The following IL17RD variants were observed in gnomAD, a reference collection of about 807,000 sequenced individuals.
The protein encoded by IL17RD is interleukin 17 receptor D.
Under a neutral mutation model 80.5 loss-of-function variants are expected in IL17RD, and 52 were observed. The observed-to-expected ratio is 0.65, with a 90% CI of 0.52 to 0.81. IL17RD has a LOEUF of 0.81. Among genes scored for constraint, IL17RD ranks in the 40% least tolerant of loss-of-function variants. IL17RD has a pLI of 0.00. For synonymous variants in IL17RD, 416 were observed against 391.8 expected, an observed-to-expected ratio of 1.06 and a Z score of -0.73; for missense variants, 1,024 against 955.1, an observed-to-expected ratio of 1.07 and a Z score of -0.95.
intron 1 of IL17RD, among the ~76,000 whole-genome samples, chr3:57,120,832 A>G (rs2107499306): frequency 6.6e-6 from 1 of 152,322 alleles, no homozygotes; most frequent in East Asian, 1.9e-4. Context: ...AAAATTATTC[A>G]CTGCATCCAT....
upstream of IL17RD, among the ~76,000 whole-genome samples, chr3:57,167,826 T>A (rs930031752): frequency 2.0e-5 from 3 of 152,164 alleles, no homozygotes; most frequent in South Asian, 6.2e-4. Flanking sequence ...TGGCCATTTG[T>A]ATTCTTTCTC....
Position 57,098,201 on chromosome 3 carries a change from A to G in IL17RD, c.1502T>C (p.Met501Thr). Reference sequence around the variant, plus strand: ...GGAACAGAGCTGAGGAAGATTGTCCATGAGTCTGTACTTGGTACTCAGGTC... The same window carrying G: ...GGAACAGAGCTGAGGAAGATTGTCCGTGAGTCTGTACTTGGTACTCAGGTC... ...ILDLSTKYRL[M>T]DNLPQLCSHL... The change falls in exon 12 of 13, where the codon ATG becomes ACG. Residue 501 changes from methionine (M) to threonine (T), a missense_variant. Transcript: ENST00000296318. 2 of 1,613,918 alleles carry G rather than the reference A, an allele frequency of 1.2e-6. No individual in the cohort carries two copies. The highest frequency in any genetic ancestry group is 1.7e-6 in the Non-Finnish European group (2 of 1,179,842).
At chr3:57,125,579 C>A (rs1285860988) in intron 1 of IL17RD, among the ~76,000 whole-genome samples, 1 of 152,082 alleles carries the variant, frequency 6.6e-6, no homozygotes, top group East Asian at 1.9e-4. Flanking sequence ...TACTGCAGGA[C>A]AAGTTACAAA....
chr3:57,091,013 G>A lies in IL17RD; in HGVS notation c.*5380C>T, dbSNP rs186833316. 6.6e-6 allele frequency: 1 copy of A among 152,664 alleles called. No individual in the cohort carries two copies. Among genetic ancestry groups the A allele is most frequent in the Admixed American group, 6.5e-5 (1 of 15,292 alleles). 9.5% of individuals were successfully genotyped at this position (152,664 alleles called of 1,614,324 possible). On this transcript the variant is annotated 3_prime_UTR_variant, in exon 13 of 13. Transcript: ENST00000296318. Reference sequence around the variant, plus strand: ...AAAAGGGCAAGAGGGAAGACAACTGGCCAAAATTCCCCAGACATCTTCACT... The same window carrying A: ...AAAAGGGCAAGAGGGAAGACAACTGACCAAAATTCCCCAGACATCTTCACT...
intron 1 of IL17RD, among the ~76,000 whole-genome samples, chr3:57,120,938 A>G (rs565581326): frequency 6.6e-6 from 1 of 152,260 alleles, no homozygotes; most frequent in African/African-American, 2.4e-5. Flanking sequence ...GCCGTCAGCC[A>G]TCTGCACTCA....
chr3:57,106,823 G>A (rs1706975349), intron 5 of IL17RD, among the ~76,000 whole-genome samples: 1 of 152,110 alleles, frequency 6.6e-6, no homozygotes, highest in Admixed American at 6.6e-5. Flanking sequence ...CAAGAAAACT[G>A]AAGGCAGCAT....
In IL17RD at chr3:57,103,155, A is replaced by G. The variant is rs1208047414; in HGVS notation, c.814-10T>C. On this transcript the variant is annotated splice_polypyrimidine_tract_variant and intron_variant, in intron 8 of 12. Coordinates refer to ENST00000296318, the MANE Select transcript of IL17RD (RefSeq NM_017563.5). ...TAGTGTCATCCACCAGCTGCAAAAC[A>G]GAGGATGCTGCATTATTTTTTTTTA... 6.3e-7 allele frequency: 1 copy of G among 1,597,826 alleles called. No individual in the cohort carries two copies. Among genetic ancestry groups the G allele is most frequent in the South Asian group, 1.1e-5 (1 of 88,064 alleles).
chr3:57,166,749 T>G (rs2060350286), upstream of IL17RD, among the ~76,000 whole-genome samples: 1 of 152,170 alleles, frequency 6.6e-6, no homozygotes, highest in Admixed American at 6.5e-5. Flanking sequence ...CCCAGCCTTA[T>G]CTTGGTCTTT....
chr3:57,098,837 C>T (rs1199283215), intron 11 of IL17RD, among the ~76,000 whole-genome samples: 2 of 152,240 alleles, frequency 1.3e-5, no homozygotes, highest in African/African-American at 2.4e-5. Flanking sequence ...CTTTTGGCAC[C>T]TTGCCCAAGT....
At position 57,112,057 on chromosome 3, in the gene IL17RD, G is replaced by A. The variant is rs1258712091; in HGVS notation, c.311-1746C>T. The stretch of plus-strand genomic sequence containing the variant: ...TTTTTAAAAGATTAGCCTAAAAACC[G>A]CTACACCAAGGTTCTGAGGCCGAGG... On this transcript the variant is annotated intron_variant, in intron 3 of 12. Transcript: ENST00000296318. Among the ~76,000 whole-genome samples the A allele has an allele frequency of 5.9e-5, 9 of 152,072 alleles. No individual in the cohort carries two copies. In the South Asian group the frequency reaches 6.2e-4, roughly 11 times the overall value.
intron 5 of IL17RD, among the ~76,000 whole-genome samples, chr3:57,108,424 G>A (rs895396143): frequency 3.1e-4 from 46 of 147,680 alleles, no homozygotes; most frequent in African/African-American, 1.1e-3. Flanking sequence ...CTAGGCTCAA[G>A]CAATCCTCCT....
At chr3:57,160,217 A>G (rs1483596371) in intron 1 of IL17RD, among the ~76,000 whole-genome samples, 3 of 152,048 alleles carry the variant, frequency 2.0e-5, no homozygotes, top group Non-Finnish European at 2.9e-5. Flanking sequence ...AAAATTGTTG[A>G]TGGGGTAGCC....
At position 57,092,777 on chromosome 3, in the gene IL17RD, TCTAA is replaced by T. The variant is rs1470860607; in HGVS notation, c.*3612_*3615del. 9.9e-5 allele frequency: 15 copies of T among 152,142 alleles called. No homozygotes were observed. The highest frequency in any genetic ancestry group is 3.4e-4 in the African/African-American group (14 of 41,422). The allele number at this position is 152,142 out of a possible 1,614,324, so 9.4% of individuals were successfully genotyped here. On this transcript the variant is annotated 3_prime_UTR_variant, in exon 13 of 13. Transcript: ENST00000296318. Reference sequence around the variant, plus strand: ...CGGGGGAGACTGGAGAAAGAAGCAATCTAACTACTGGCTGCATTTAGCAAGAGCA... The same window carrying T: ...CGGGGGAGACTGGAGAAAGAAGCAATCTACTGGCTGCATTTAGCAAGAGCA...
chr3:57,099,110 G>A (rs6809523), intron 11 of IL17RD, among the ~76,000 whole-genome samples: 95,775 of 152,100 alleles, frequency 0.63, 31,272 homozygotes, highest in Non-Finnish European at 0.7. Flanking sequence ...GACCTATCTC[G>A]ACACTCTCAT....
intron 1 of IL17RD, among the ~76,000 whole-genome samples, chr3:57,144,442 G>A (rs939522096): frequency 2.0e-5 from 3 of 152,250 alleles, no homozygotes; most frequent in African/African-American, 4.8e-5. Context: ...TCCTGCCCAC[G>A]ACAGGATGCC....
At chr3:57,140,562 GT>G (rs1463062460) in intron 1 of IL17RD, among the ~76,000 whole-genome samples, 5 of 152,158 alleles carry the variant, frequency 3.3e-5, no homozygotes, top group Non-Finnish European at 7.3e-5. Context: ...AGACCATCCT[GT>G]TTTGGGCATT....
rs745910085 is a variant in IL17RD at position 57,105,536 on chromosome 3, CAAAAAA to C, written c.747+315_747+320del. On this transcript the variant is annotated intron_variant, in intron 7 of 12. Coordinates refer to ENST00000296318, the MANE Select transcript of IL17RD (RefSeq NM_017563.5). ...TGGGCAACAGAGCAAGACTCCATCT[CAAAAAA>C]AAAAAAAAAAATATATATATATATA... Among the ~76,000 whole-genome samples the C allele has an allele frequency of 6.3e-3, 225 of 35,618 alleles. 11 individuals carry two copies. The highest frequency in any genetic ancestry group is 0.02 in the African/African-American group (204 of 10,000). 23.4% of individuals were successfully genotyped at this position (35,618 alleles called of 152,430 possible).
rs114459675 is a variant in IL17RD, at chr3:57,142,603, G to C, written c.127-22290C>G. ...ACCGCTGTGTTGGTGTCGCCAACCT[G>C]AGCCTCAGGAACTTCTCTAACTTCC... On this transcript the variant is annotated intron_variant, in intron 1 of 12. Transcript: ENST00000296318. 256 of 704,572 alleles carry C rather than the reference G, an allele frequency of 3.6e-4. No individual in the cohort carries two copies. The African/African-American group carries it at 4.6e-3, about 13-fold the overall frequency. The allele number at this position is 704,572 out of a possible 1,614,324, so 43.6% of individuals were successfully genotyped here.
At chr3:57,119,306 C>T (rs1326930770) in intron 2 of IL17RD, among the ~76,000 whole-genome samples, 4 of 150,888 alleles carry the variant, frequency 2.7e-5, no homozygotes, top group Admixed American at 6.6e-5. Flanking sequence ...GAGCCAAGAT[C>T]GTGCCACTGC....
Sources: allele counts gnomAD v4.1 joint callset (sites outside exome capture counted in the v4.1 genomes callset), GRCh38; gene constraint gnomAD v4.1.1; transcripts MANE v1.5; gene names NCBI Gene and HGNC (gene_info 2026-07-23, HGNC 2026-07-21).